ACTL8: variants seen among roughly 807,000 people sequenced by gnomAD.
ACTL8 encodes actin like 8, also known as actin-like protein 8.
A neutral mutation model predicts 9.3 loss-of-function variants in ACTL8; 3 were observed. The observed-to-expected ratio is 0.32, with a 90% CI of 0.15 to 0.83. The LOEUF (loss-of-function observed/expected upper bound fraction) is 0.83. Ranked by LOEUF, ACTL8 falls within the 40% of genes least tolerant of loss-of-function variation. ACTL8 has a pLI of 0.57. For missense variants in ACTL8, 381 were observed against 492.2 expected (o/e 0.77, Z 2.14); for synonymous variants, 224 against 205.9 (o/e 1.09, Z -0.75).
chr1:17,764,077 C>T, intron 1 of ACTL8, among the ~76,000 whole-genome samples: 1 of 152,022 alleles, frequency 6.6e-6, no homozygotes, highest in Non-Finnish European at 1.5e-5. Context: ...GCTCGGGAAA[C>T]CCCGGTGGGG....
At chr1:17,805,377 CTTTTTTTTTTT>C (rs56870755) in intron 1 of ACTL8, among the ~76,000 whole-genome samples, 88 of 100,192 alleles carry the variant, frequency 8.8e-4, no homozygotes, top group African/African-American at 3.5e-3. Context: ...TTTTCTTTTT[CTTTTTTTTTTT>C]TTTTTTTTTT....
intron 1 of ACTL8, among the ~76,000 whole-genome samples, chr1:17,786,867 T>A (rs866754965): frequency 6.6e-6 from 1 of 151,746 alleles, no homozygotes; most frequent in South Asian, 2.1e-4. Flanking sequence ...CCTATTTTTT[T>A]AAATGTTTTT....
chr1:17,758,238 A>G (rs2065979934), intron 1 of ACTL8, among the ~76,000 whole-genome samples: 1 of 152,224 alleles, frequency 6.6e-6, no homozygotes, highest in Admixed American at 6.5e-5. Context: ...ACTGTCAAGG[A>G]CAAGGTGGGC....
At chr1:17,796,831 A>G (rs142309836) in intron 1 of ACTL8, among the ~76,000 whole-genome samples, 274 of 152,316 alleles carry the variant, frequency 1.8e-3, no homozygotes, top group African/African-American at 6.3e-3. Context: ...TTAGGTGGCT[A>G]CTTGTCGGAG....
At chr1:17,824,072 A>G (rs535853693) in intron 2 of ACTL8, among the ~76,000 whole-genome samples, 1 of 152,278 alleles carries the variant, frequency 6.6e-6, no homozygotes, top group Admixed American at 6.5e-5. Context: ...CTGTTTGAAG[A>G]GAGCGCTCAG....
In ACTL8 at chr1:17,762,379, C is replaced by T. The variant is rs147834533; in HGVS notation, c.-25+6875C>T. 2.5e-3 allele frequency among the ~76,000 whole-genome samples: 379 copies of T among 152,160 alleles called. 1 individual carries two copies. The highest frequency in any genetic ancestry group is 8.3e-3 in the African/African-American group (345 of 41,514). On this transcript the variant is annotated intron_variant, in intron 1 of 2. Coordinates refer to ENST00000375406, the MANE Select transcript of ACTL8 (RefSeq NM_030812.3). ...GTTCCTCCCCTGACCACCACCCCATCAAGCACAGACCAGGCCCCACCCCCT... is the reference window on the plus strand; with the variant it reads ...GTTCCTCCCCTGACCACCACCCCATTAAGCACAGACCAGGCCCCACCCCCT...
intron 1 of ACTL8, among the ~76,000 whole-genome samples, chr1:17,809,485 T>C (rs1395034120): frequency 6.6e-6 from 1 of 152,088 alleles, no homozygotes; most frequent in Non-Finnish European, 1.5e-5. Context: ...CGTGGCCTGT[T>C]GGGAACTAGG....
At chr1:17,812,125 T>C (rs142925686) in intron 1 of ACTL8, among the ~76,000 whole-genome samples, 2 of 152,264 alleles carry the variant, frequency 1.3e-5, no homozygotes, top group Non-Finnish European at 2.9e-5. Context: ...CCCAAAGTGC[T>C]GGGATTATAG....
intron 1 of ACTL8, among the ~76,000 whole-genome samples, chr1:17,786,844 A>G (rs927337052): frequency 6.6e-6 from 1 of 151,440 alleles, no homozygotes; most frequent in Non-Finnish European, 1.5e-5. Flanking sequence ...ACAGGTGTGC[A>G]CCACCATGCT....
chr1:17,794,435 G>T (rs2066263280), intron 1 of ACTL8, among the ~76,000 whole-genome samples: 1 of 152,186 alleles, frequency 6.6e-6, no homozygotes, highest in Non-Finnish European at 1.5e-5. Context: ...TGGTGGCATT[G>T]TCCATCAGTT....
At chr1:17,783,359 TTTTTTAA>T (rs1471770802) in intron 1 of ACTL8, among the ~76,000 whole-genome samples, 5 of 122,988 alleles carry the variant, frequency 4.1e-5, no homozygotes, top group African/African-American at 1.4e-4. Flanking sequence ...TTTGTTTTTT[TTTTTTAA>T]AAAAACTCCA....
At chr1:17,783,534 G>A (rs921050299) in intron 1 of ACTL8, among the ~76,000 whole-genome samples, 3 of 152,084 alleles carry the variant, frequency 2.0e-5, no homozygotes, top group Non-Finnish European at 4.4e-5. Flanking sequence ...GTTCCATGCC[G>A]GACTAGAATA....
chr1:17,780,210 A>G (rs1444645917), intron 1 of ACTL8, among the ~76,000 whole-genome samples: 1 of 151,932 alleles, frequency 6.6e-6, no homozygotes, highest in Admixed American at 6.6e-5. Flanking sequence ...CCCTGTCTTG[A>G]AAAAAAACCC....
intron 1 of ACTL8, among the ~76,000 whole-genome samples, chr1:17,764,511 A>G (rs538360584): frequency 1.3e-5 from 2 of 152,238 alleles, no homozygotes; most frequent in African/African-American, 4.8e-5. Context: ...GGCAGCTTCC[A>G]GTCCTGGGTA....
chr1:17,789,669 A>G (rs377521328), intron 1 of ACTL8, among the ~76,000 whole-genome samples: 1 of 152,186 alleles, frequency 6.6e-6, no homozygotes, highest in South Asian at 2.1e-4. Flanking sequence ...GAAGGTAGAC[A>G]TCATCATCTC....
intron 1 of ACTL8, among the ~76,000 whole-genome samples, chr1:17,774,724 A>G (rs923131848): frequency 1.3e-5 from 2 of 151,988 alleles, no homozygotes; most frequent in African/African-American, 2.4e-5. Context: ...GCCACAGCCA[A>G]CTCTGGGACC....
intron 1 of ACTL8, among the ~76,000 whole-genome samples, chr1:17,763,754 C>T (rs1425883533): frequency 6.6e-6 from 1 of 152,238 alleles, no homozygotes; most frequent in African/African-American, 2.4e-5. Flanking sequence ...TTTTCTCCCC[C>T]ATTCCCTCCC....
At chr1:17,779,707 C>T (rs967815266) in intron 1 of ACTL8, among the ~76,000 whole-genome samples, 10 of 152,136 alleles carry the variant, frequency 6.6e-5, no homozygotes, top group South Asian at 4.1e-4. Flanking sequence ...CCGTGTTTAC[C>T]GCTAAAGGGG....
intron 1 of ACTL8, among the ~76,000 whole-genome samples, chr1:17,801,975 T>A (rs985619551): frequency 7.2e-5 from 11 of 152,192 alleles, no homozygotes; most frequent in Non-Finnish European, 2.9e-5. Context: ...GTTCCCAAGC[T>A]GCAGCGTTGA....
Sources: gnomAD v4.1 joint callset for allele counts (sites outside exome capture counted in the v4.1 genomes callset) on GRCh38, gnomAD v4.1.1 for gene constraint, MANE v1.5 for transcripts, NCBI Gene and HGNC (gene_info 2026-07-23, HGNC 2026-07-21) for gene names.